The following PCDHA8 variants were observed in gnomAD, a reference collection of about 807,000 sequenced individuals.
The protein encoded by PCDHA8 is protocadherin alpha-8.
In PCDHA8, 53 loss-of-function variants were observed where a neutral mutation model predicts 61.8. The ratio of observed to expected loss-of-function variants is 0.86; its 90% CI spans 0.69 to 1.08. The LOEUF is 1.08. Ranked by LOEUF, PCDHA8 falls within the 50% of genes least tolerant of loss-of-function variation. The pLI is 0.00. For synonymous variants in PCDHA8, 618 were observed against 556.6 expected (o/e 1.11, Z -1.55); for missense variants, 1,293 against 1,245.0 (o/e 1.04, Z -0.58).
intron 1 of PCDHA8, chr5:140,927,739 CG>C: frequency 1.2e-6 from 2 of 1,614,212 alleles, no homozygotes; most frequent in Non-Finnish European, 1.7e-6. Flanking sequence ...GCTGCGACAC[CG>C]CTTTCACGTG....
In PCDHA8 at chr5:140,841,695, A is replaced by C; in HGVS notation, c.374A>C (p.Asp125Ala). The C allele has an allele frequency of 6.2e-7, 1 of 1,613,932 alleles. No homozygotes were observed. The highest frequency in any genetic ancestry group is 2.2e-5 in the East Asian group (1 of 44,876). The change falls in exon 1 of 4, where the codon GAT (aspartate) becomes GCT (alanine). Residue 125 changes from aspartate to alanine, a missense_variant. Physicochemically the swap from Asp to Ala is moderately radical, Grantham distance 126 (BLOSUM62 -2). Transcript: ENST00000531613. ...TTCCATGTGGACGTGGAGGTGAAGGATGTTAATGACAACCCGCCAGTGTTC... is the reference window on the plus strand; with the variant it reads ...TTCCATGTGGACGTGGAGGTGAAGGCTGTTAATGACAACCCGCCAGTGTTC... ...QVFHVDVEVK[D>A]VNDNPPVFRV... is the part of the protein sequence containing the mutation.
intron 1 of PCDHA8, chr5:140,862,303 T>C (rs2047298994): frequency 3.6e-6 from 1 of 279,072 alleles, no homozygotes; most frequent in South Asian, 4.0e-5. Flanking sequence ...CTCCACTGGG[T>C]ACCGTCATAG....
rs531946864 is a variant in PCDHA8, at chr5:140,866,396, C to T, written c.2394+22681C>T. 5.3e-5 allele frequency: 8 copies of T among 152,156 alleles called. No individual in the cohort carries two copies. In the East Asian group the frequency reaches 9.6e-4, roughly 18 times the overall value. 9.4% of individuals were successfully genotyped at this position (152,156 alleles called of 1,614,324 possible). A position where few individuals can be genotyped will look rare whatever the true frequency, so the allele number is the denominator to read the frequency against. The stretch of plus-strand genomic sequence containing the variant: ...AATAACAATTTTAAAGACATAGATT[C>T]CCATGAAAATCTTCAAATGTGTGTA... On this transcript the variant is annotated intron_variant, in intron 1 of 3. Transcript: ENST00000531613.
chr5:140,961,770 A>C, intron 1 of PCDHA8, among the ~76,000 whole-genome samples: 1 of 152,206 alleles, frequency 6.6e-6, no homozygotes, highest in East Asian at 1.9e-4. Flanking sequence ...ATTTATATCA[A>C]GCTTAATGGC....
In PCDHA8 at chr5:140,855,846, C is replaced by T. The variant is rs112115141; in HGVS notation, c.2394+12131C>T. ...CATGGAATCGTACTTACACCTAAAG[C>T]CACCGGATGTCGCTGTCGTCCACAA... is the stretch of plus-strand genomic sequence containing the variant. On this transcript the variant is annotated intron_variant, in intron 1 of 3. Coordinates refer to ENST00000531613, the MANE Select transcript of PCDHA8 (RefSeq NM_018911.3). The T allele has an allele frequency of 3.0e-3, 1,971 of 647,788 alleles. 109 individuals are homozygous for T. In the African/African-American group the frequency reaches 0.032, roughly 11 times the overall value. The allele number at this position is 647,788 out of a possible 1,614,324, so 40.1% of individuals were successfully genotyped here.
chr5:140,879,027 G>C (rs2057822967), intron 1 of PCDHA8, among the ~76,000 whole-genome samples: 1 of 152,184 alleles, frequency 6.6e-6, no homozygotes, highest in African/African-American at 2.4e-5. Context: ...TTTTATTGAA[G>C]AGTGTCTTGA....
rs1554202869 is a variant in PCDHA8, at chr5:140,925,671, A to AATG, written c.2395-53276_2395-53275insGAT. Among the ~76,000 whole-genome samples the AATG allele has an allele frequency of 4.6e-4, 68 of 148,180 alleles. 1 individual carries two copies. The highest frequency in any genetic ancestry group is 1.6e-3 in the African/African-American group (66 of 40,022). On this transcript the variant is annotated intron_variant, in intron 1 of 3. Transcript: ENST00000531613. ...TAATAATAATAATAATAATAATAAT[A>AATG]ATAATAAAGCGAGGGTGGGTATCTA...
At chr5:140,992,153 T>C (rs191199905) in intron 3 of PCDHA8, among the ~76,000 whole-genome samples, 76 of 152,066 alleles carry the variant, frequency 5.0e-4, no homozygotes, top group African/African-American at 1.8e-3. Flanking sequence ...CTTTGCTCAA[T>C]CAAGAAGTGT....
At chr5:141,008,843 G>A (rs1474787733) in intron 3 of PCDHA8, among the ~76,000 whole-genome samples, 7 of 152,114 alleles carry the variant, frequency 4.6e-5, no homozygotes, top group Non-Finnish European at 1.0e-4. Context: ...CTTACGCTGT[G>A]TATTCCCATC....
chr5:140,973,606 G>A (rs1554235444), intron 1 of PCDHA8, among the ~76,000 whole-genome samples: 1 of 152,204 alleles, frequency 6.6e-6, no homozygotes, highest in African/African-American at 2.4e-5. Flanking sequence ...TTATGGCTGA[G>A]CTCTTCTCTG....
intron 1 of PCDHA8, chr5:140,928,751 C>T (rs1387564129): frequency 6.2e-7 from 1 of 1,614,180 alleles, no homozygotes; most frequent in Non-Finnish European, 8.5e-7. Flanking sequence ...GAGCTCCGTA[C>T]TGCTCGCTTA....
rs556069691 is a variant in PCDHA8 at position 140,951,526 on chromosome 5, G to A, written c.2395-27423G>A. Among the ~76,000 whole-genome samples the A allele has an allele frequency of 7.4e-4, 112 of 152,076 alleles. 1 individual carries two copies. The highest frequency in any genetic ancestry group is 2.6e-3 in the African/African-American group (107 of 41,516). ...GGAAAGCGGCTCATCTTACATGGCC[G>A]GTGCAGGAGCAAGGGACGGGGGGAA... is the stretch of plus-strand genomic sequence containing the variant. On this transcript the variant is annotated intron_variant, in intron 1 of 3. Transcript: ENST00000531613.
intron 1 of PCDHA8, chr5:140,869,624 A>G: frequency 6.2e-7 from 1 of 1,613,850 alleles, no homozygotes; most frequent in African/African-American, 1.3e-5. Flanking sequence ...AGGCTAAGTA[A>G]AAATGAGTAT....
rs782801879 is a variant in PCDHA8 at position 140,858,260 on chromosome 5, G to T, written c.2394+14545G>T. The T allele has an allele frequency of 2.0e-5, 32 of 1,597,092 alleles. 2 individuals carry two copies. The highest frequency in any genetic ancestry group is 2.7e-5 in the Non-Finnish European group (32 of 1,166,970). On this transcript the variant is annotated intron_variant, in intron 1 of 3. Coordinates refer to ENST00000531613, the MANE Select transcript of PCDHA8 (RefSeq NM_018911.3). ...ATGTGGGCCGGTGAAGCCCACGCTG[G>T]TGTGCTCTAGCGCGGTGGGGAGCTG...
At chr5:140,889,347 T>A (rs531486529) in intron 1 of PCDHA8, among the ~76,000 whole-genome samples, 1 of 152,202 alleles carries the variant, frequency 6.6e-6, no homozygotes, top group South Asian at 2.1e-4. Context: ...GTGGGAATAT[T>A]TCTGATTACT....
chr5:140,996,636 T>G (rs561950169), intron 3 of PCDHA8, among the ~76,000 whole-genome samples: 17 of 152,346 alleles, frequency 1.1e-4, no homozygotes, highest in Middle Eastern at 6.8e-3. Context: ...CTGCAAATTA[T>G]GTAGTTAATC....
intron 1 of PCDHA8, among the ~76,000 whole-genome samples, chr5:140,924,825 G>A (rs1282051408): frequency 1.3e-5 from 2 of 151,514 alleles, no homozygotes; most frequent in African/African-American, 4.9e-5. Flanking sequence ...AACCTGGGAG[G>A]GGGAGGTTGC....
intron 3 of PCDHA8, among the ~76,000 whole-genome samples, chr5:140,997,598 TG>T (rs1182118908): frequency 6.6e-5 from 10 of 152,124 alleles, no homozygotes; most frequent in Admixed American, 2.0e-4. Context: ...AACATGATTA[TG>T]GGGCGCATGA....
chr5:140,967,024 T>G, intron 1 of PCDHA8: 1 of 1,608,238 alleles, frequency 6.2e-7, no homozygotes, highest in Non-Finnish European at 8.5e-7. Flanking sequence ...GTGCGCCCAG[T>G]CCGCGCTACC....
Sources: allele counts gnomAD v4.1 joint callset (sites outside exome capture counted in the v4.1 genomes callset), GRCh38; gene constraint gnomAD v4.1.1; transcripts MANE v1.5; gene names NCBI Gene and HGNC (gene_info 2026-07-23, HGNC 2026-07-21).